The following ST18 variants were observed in gnomAD, a reference collection of about 807,000 sequenced individuals.
ST18 encodes the protein ST18 C2H2C-type zinc finger transcription factor.
ST18 carries 50 observed loss-of-function variants against 110.0 expected under a neutral mutation model. The observed-to-expected ratio is 0.45, with a 90% confidence interval of 0.36 to 0.58. The LOEUF is 0.58. Ranked by LOEUF, ST18 falls within the 20% of genes least tolerant of loss-of-function variation. The pLI, the probability that ST18 is intolerant of heterozygous loss-of-function variation, is 0.00. For missense variants in ST18, 1,306 were observed against 1,280.1 expected, an observed-to-expected ratio of 1.02 and a Z score of -0.31; for synonymous variants, 461 against 452.4, an observed-to-expected ratio of 1.02 and a Z score of -0.24.
chr8:52,212,492 T>C (rs954733110), intron 7 of ST18, among the ~76,000 whole-genome samples: 31 of 152,332 alleles, frequency 2.0e-4, no homozygotes, highest in African/African-American at 7.2e-4. Context: ...AAACACACAT[T>C]CAAATAAAAC....
chr8:52,262,771 C>T (rs914735979), intron 2 of ST18, among the ~76,000 whole-genome samples: 2 of 152,234 alleles, frequency 1.3e-5, no homozygotes, highest in Admixed American at 1.3e-4. Flanking sequence ...GCTGCCTTTG[C>T]AGCTGCCTTA....
At chr8:52,284,782 G>A (rs2095440999) in intron 2 of ST18, among the ~76,000 whole-genome samples, 1 of 152,066 alleles carries the variant, frequency 6.6e-6, no homozygotes, top group Non-Finnish European at 1.5e-5. Flanking sequence ...ACTCTCAGGG[G>A]GACTGGAGTG....
chr8:52,287,630 A>G (rs1345068688), intron 2 of ST18, among the ~76,000 whole-genome samples: 1 of 152,224 alleles, frequency 6.6e-6, no homozygotes, highest in Non-Finnish European at 1.5e-5. Flanking sequence ...CCTCAAGGCT[A>G]TGCAGAGTGT....
intron 2 of ST18, among the ~76,000 whole-genome samples, chr8:52,387,182 C>T (rs1405466446): frequency 1.3e-5 from 2 of 151,816 alleles, no homozygotes; most frequent in Non-Finnish European, 2.9e-5. Flanking sequence ...CTTCTGTCTC[C>T]AAACTGAGAA....
At chr8:52,135,122 A>C (rs981408362) in intron 19 of ST18, among the ~76,000 whole-genome samples, 47 of 152,224 alleles carry the variant, frequency 3.1e-4, no homozygotes, top group Non-Finnish European at 5.6e-4. Context: ...GTTTAGAGCA[A>C]TTCAGTAAGA....
At chr8:52,117,510 G>T (rs2042980037) in intron 24 of ST18, among the ~76,000 whole-genome samples, 1 of 152,182 alleles carries the variant, frequency 6.6e-6, no homozygotes, top group African/African-American at 2.4e-5. Flanking sequence ...TGGTTTTCTA[G>T]AGGAATTCCC....
chr8:52,246,837 A>G (rs1046227040), intron 2 of ST18, among the ~76,000 whole-genome samples: 2 of 152,226 alleles, frequency 1.3e-5, no homozygotes, highest in African/African-American at 2.4e-5. Context: ...AATTTTTCAC[A>G]TAAGTTATAA....
At chr8:52,252,199 G>C (rs2094344973) in intron 2 of ST18, among the ~76,000 whole-genome samples, 1 of 151,994 alleles carries the variant, frequency 6.6e-6, no homozygotes, top group Admixed American at 6.6e-5. Flanking sequence ...GTTATACTGG[G>C]TTTTGCAATT....
intron 17 of ST18, among the ~76,000 whole-genome samples, chr8:52,141,624 T>C (rs2055095060): frequency 6.9e-6 from 1 of 144,756 alleles, no homozygotes; most frequent in Non-Finnish European, 1.5e-5. Context: ...CACAGTAGCC[T>C]GAAGGCCTCT....
At chr8:52,392,447 G>C (rs1374809386) in intron 2 of ST18, among the ~76,000 whole-genome samples, 1 of 152,124 alleles carries the variant, frequency 6.6e-6, no homozygotes, top group Non-Finnish European at 1.5e-5. Context: ...GTTAGCAAGA[G>C]AGATGCCTAC....
intron 2 of ST18, among the ~76,000 whole-genome samples, chr8:52,274,889 G>A (rs2095189745): frequency 6.6e-6 from 1 of 152,110 alleles, no homozygotes; most frequent in South Asian, 2.1e-4. Context: ...TTATGAAAGA[G>A]TGTCATTTTG....
chr8:52,388,415 G>A (rs1837748016), intron 2 of ST18, among the ~76,000 whole-genome samples: 2 of 151,986 alleles, frequency 1.3e-5, no homozygotes, highest in South Asian at 4.1e-4. Context: ...ACAAGCCTCA[G>A]GTCTTCCTTC....
At chr8:52,280,745 G>C (rs945633802) in intron 2 of ST18, among the ~76,000 whole-genome samples, 2 of 151,984 alleles carry the variant, frequency 1.3e-5, no homozygotes, top group Non-Finnish European at 2.9e-5. Context: ...CAAAAATTAA[G>C]ACAACTCTAA....
chr8:52,281,315 C>A (rs1240746590), intron 2 of ST18, among the ~76,000 whole-genome samples: 11 of 151,424 alleles, frequency 7.3e-5, no homozygotes, highest in Non-Finnish European at 1.2e-4. Context: ...TGTTAAGAAA[C>A]AAAGTAATAA....
intron 9 of ST18, among the ~76,000 whole-genome samples, chr8:52,178,206 G>A (rs980271517): frequency 2.0e-5 from 3 of 152,118 alleles, no homozygotes; most frequent in Non-Finnish European, 4.4e-5. Context: ...TGATGCAAAC[G>A]CACACACATT....
At chr8:52,399,213 T>A (rs1842126013) in intron 2 of ST18, among the ~76,000 whole-genome samples, 1 of 152,076 alleles carries the variant, frequency 6.6e-6, no homozygotes, top group African/African-American at 2.4e-5. Context: ...GGTTATACCA[T>A]TTATTGGCAT....
Position 52,137,445 on chromosome 8 carries a change from G to C in ST18, c.2207C>G (p.Thr736Arg), listed in dbSNP as rs2052921773. 2 of 1,613,980 alleles carry C rather than the reference G, an allele frequency of 1.2e-6. No homozygotes were observed. Among genetic ancestry groups the C allele is most frequent in the Non-Finnish European group, 1.7e-6 (2 of 1,180,024 alleles). ...CCTGCGATGAGATGCATAGTTTCCT[G>C]TCACGTGGCCACTTCCATCACATCC... is the stretch of plus-strand genomic sequence containing the variant. ...TPGCDGSGHV[T>R]GNYASHRSVS... The change falls in exon 18 of 26, where the codon ACA becomes AGA. Residue 736 changes from threonine (T) to arginine (R), a missense_variant. Thr to Arg is a moderately conservative substitution (Grantham distance 71, BLOSUM62 -1). Coordinates refer to ENST00000689386, the MANE Select transcript of ST18 (RefSeq NM_001352837.2).
chr8:52,304,537 T>C (rs1449545419), intron 2 of ST18, among the ~76,000 whole-genome samples: 1 of 152,174 alleles, frequency 6.6e-6, no homozygotes, highest in Non-Finnish European at 1.5e-5. Flanking sequence ...GAAAGATACA[T>C]ACATAAAAGA....
At chr8:52,206,641 A>G (rs1016432800) in intron 8 of ST18, 3 of 152,248 alleles carry the variant, frequency 2.0e-5, no homozygotes, top group South Asian at 2.1e-4. Flanking sequence ...ATTAATTTTT[A>G]TCATCAGCTT....
Sources: gnomAD v4.1 joint callset for allele counts (sites outside exome capture counted in the v4.1 genomes callset) on GRCh38, gnomAD v4.1.1 for gene constraint, MANE v1.5 for transcripts, NCBI Gene and HGNC (gene_info 2026-07-23, HGNC 2026-07-21) for gene names.